The following ADK variants were observed in gnomAD, a reference collection of about 807,000 sequenced individuals.
ADK encodes adenosine kinase.
In ADK, 24 loss-of-function variants were observed where a neutral mutation model predicts 44.7. The observed-to-expected ratio is 0.54, with a 90% confidence interval of 0.39 to 0.76. The LOEUF (loss-of-function observed/expected upper bound fraction) is 0.76, where lower values mean the gene tolerates loss of function less well. ADK is among the 30% of genes least tolerant of loss of function. The probability of loss-of-function intolerance (pLI) is 0.00; values close to 1 mark genes in which losing one functional copy is unlikely to be tolerated. For missense variants in ADK, 321 were observed against 425.1 expected (o/e 0.76, Z 2.15); for synonymous variants, 128 against 142.6 (o/e 0.90, Z 0.73).
chr10:74,678,685 A>G (rs1203256643), intron 10 of ADK, among the ~76,000 whole-genome samples: 1 of 152,244 alleles, frequency 6.6e-6, no homozygotes, highest in Non-Finnish European at 1.5e-5. Context: ...TTATTCTAAG[A>G]AAATGATGTT....
At chr10:74,681,129 C>T (rs543008186) in intron 10 of ADK, among the ~76,000 whole-genome samples, 13 of 152,102 alleles carry the variant, frequency 8.5e-5, no homozygotes, top group Non-Finnish European at 1.8e-4. Flanking sequence ...TATTACTTTG[C>T]CCCATTGAAT....
chr10:74,330,992 C>T (rs1028504235), intron 4 of ADK, among the ~76,000 whole-genome samples: 15 of 152,132 alleles, frequency 9.9e-5, no homozygotes, highest in African/African-American at 3.4e-4. Context: ...TTTCTGTAGT[C>T]CCTGTACTTT....
chr10:74,615,530 G>A (rs758187376), intron 9 of ADK, among the ~76,000 whole-genome samples: 25 of 152,006 alleles, frequency 1.6e-4, no homozygotes, highest in Non-Finnish European at 2.5e-4. Flanking sequence ...TTTATGAGAC[G>A]GCACTAATTG....
chr10:74,365,356 A>C (rs979624993), intron 4 of ADK, among the ~76,000 whole-genome samples: 1 of 152,192 alleles, frequency 6.6e-6, no homozygotes, highest in Non-Finnish European at 1.5e-5. Context: ...TGGAGGTTTC[A>C]TATACATGAA....
At chr10:74,545,966 G>GT (rs1158534879) in intron 7 of ADK, among the ~76,000 whole-genome samples, 1 of 152,086 alleles carries the variant, frequency 6.6e-6, no homozygotes, top group Non-Finnish European at 1.5e-5. Flanking sequence ...GGAAAGACAG[G>GT]TTTTCTTTCT....
chr10:74,543,807 C>G (rs912690153), intron 7 of ADK, among the ~76,000 whole-genome samples: 1 of 151,950 alleles, frequency 6.6e-6, no homozygotes, highest in Non-Finnish European at 1.5e-5. Flanking sequence ...AATCCAAGAA[C>G]TAAAAAGTGA....
At chr10:74,634,319 A>G (rs1853546777) in intron 9 of ADK, among the ~76,000 whole-genome samples, 1 of 151,560 alleles carries the variant, frequency 6.6e-6, no homozygotes, top group South Asian at 2.1e-4. Context: ...AGTTCACGCC[A>G]TTCTCCCGCC....
intron 4 of ADK, among the ~76,000 whole-genome samples, chr10:74,364,305 ACT>A (rs1024278349): frequency 2.6e-5 from 4 of 151,444 alleles, no homozygotes; most frequent in African/African-American, 9.7e-5. Flanking sequence ...AAACAGGCAA[ACT>A]CTCCAACATT....
chr10:74,324,674 G>A lies in ADK; in HGVS notation c.273+9929G>A, dbSNP rs113214391. Among the ~76,000 whole-genome samples, 760 of 152,166 alleles carry A rather than the reference G, an allele frequency of 5.0e-3. 11 individuals carry two copies. Among genetic ancestry groups the A allele is most frequent in the African/African-American group, 0.017 (708 of 41,506 alleles). ...CATTCATTGCCTGATAAACTCTTAG[G>A]TTGATTACATATCTTGGCTGTTGTG... is the stretch of plus-strand genomic sequence containing the variant. On this transcript the variant is annotated intron_variant, in intron 4 of 10. Transcript: ENST00000539909.
intron 3 of ADK, among the ~76,000 whole-genome samples, chr10:74,309,521 A>G (rs1397421278): frequency 1.3e-5 from 2 of 152,188 alleles, no homozygotes; most frequent in Non-Finnish European, 2.9e-5. Flanking sequence ...CAGAATTGCT[A>G]GGAGACAGAA....
At chr10:74,232,870 C>T (rs984201945) in intron 3 of ADK, among the ~76,000 whole-genome samples, 9 of 152,098 alleles carry the variant, frequency 5.9e-5, no homozygotes, top group African/African-American at 9.7e-5. Flanking sequence ...GTGATCCACC[C>T]GCCTTGCCCT....
chr10:74,279,511 G>A (rs1056776787), intron 3 of ADK, among the ~76,000 whole-genome samples: 4 of 151,496 alleles, frequency 2.6e-5, no homozygotes, highest in African/African-American at 9.7e-5. Flanking sequence ...ACTTGAACCC[G>A]GAGGTTGCAG....
intron 4 of ADK, among the ~76,000 whole-genome samples, chr10:74,383,420 C>G (rs60407702): frequency 1.3e-5 from 1 of 77,696 alleles, no homozygotes; most frequent in Non-Finnish European, 3.4e-5. Context: ...CTCTCTCTCT[C>G]TCTCTCTTTC....
intron 2 of ADK, among the ~76,000 whole-genome samples, chr10:74,201,258 G>A (rs189470864): frequency 3.3e-5 from 5 of 152,274 alleles, no homozygotes; most frequent in Admixed American, 2.6e-4. Flanking sequence ...ACAAGAGAAC[G>A]TGCAGGATAT....
intron 3 of ADK, among the ~76,000 whole-genome samples, chr10:74,304,329 G>T (rs1840176565): frequency 1.3e-5 from 2 of 151,968 alleles, no homozygotes; most frequent in Non-Finnish European, 2.9e-5. Context: ...AAACTTAGTT[G>T]ATGGCATTTA....
intron 10 of ADK, among the ~76,000 whole-genome samples, chr10:74,689,923 T>G (rs560939720): frequency 2.0e-5 from 3 of 152,320 alleles, no homozygotes; most frequent in South Asian, 4.1e-4. Context: ...TCTGAACACT[T>G]GTTAAAAGAT....
At chr10:74,275,219 A>G (rs1025781267) in intron 3 of ADK, among the ~76,000 whole-genome samples, 1 of 152,072 alleles carries the variant, frequency 6.6e-6, no homozygotes, top group African/African-American at 2.4e-5. Flanking sequence ...TGAGATCCCT[A>G]GGAAGGGAGT....
intron 6 of ADK, among the ~76,000 whole-genome samples, chr10:74,441,493 A>C (rs1297744216): frequency 6.6e-6 from 1 of 152,246 alleles, no homozygotes; most frequent in East Asian, 1.9e-4. Flanking sequence ...GAAATGACTG[A>C]AATGTTCATC....
intron 4 of ADK, 28 bp downstream of exon 4, chr10:74,314,773 G>A: frequency 6.7e-7 from 1 of 1,501,494 alleles, no homozygotes; most frequent in Non-Finnish European, 9.3e-7. Flanking sequence ...AAAGTTAAAA[G>A]GATTCAAAAT....
Sources: allele counts gnomAD v4.1 joint callset (sites outside exome capture counted in the v4.1 genomes callset), GRCh38; gene constraint gnomAD v4.1.1; transcripts MANE v1.5; gene names NCBI Gene and HGNC (gene_info 2026-07-23, HGNC 2026-07-21).